Variants in GRK6 observed in about 807,000 individuals in gnomAD.
The protein encoded by GRK6 is G protein-coupled receptor kinase 6.
Under a neutral mutation model 80.8 loss-of-function variants are expected in GRK6, and 37 were observed. That is an observed-to-expected ratio of 0.46 (90% confidence interval 0.35 to 0.60). The LOEUF (loss-of-function observed/expected upper bound fraction) is 0.60. Ranked by LOEUF, GRK6 falls within the 20% of genes least tolerant of loss-of-function variation. GRK6 has a pLI of 0.00. For synonymous variants in GRK6, 295 were observed against 320.9 expected (o/e 0.92, Z 0.86); for missense variants, 560 against 784.6 (o/e 0.71, Z 3.42).
At chr5:177,434,665 G>T (rs1958370693) in intron 9 of GRK6, among the ~76,000 whole-genome samples, 1 of 152,234 alleles carries the variant, frequency 6.6e-6, no homozygotes. Context: ...CTCCGGGGTG[G>T]AGCTGTCTTC....
chr5:177,431,743 T>C, intron 2 of GRK6: 1 of 558,986 alleles, frequency 1.8e-6, no homozygotes, highest in Non-Finnish European at 3.2e-6. Flanking sequence ...GGGAGGTGGA[T>C]GGAGGCCTGG....
chr5:177,430,174 G>T (rs1405152844), intron 1 of GRK6, among the ~76,000 whole-genome samples: 2 of 152,168 alleles, frequency 1.3e-5, no homozygotes, highest in Non-Finnish European at 2.9e-5. Context: ...TCCTGCAGCT[G>T]GCCCTGTCAG....
In GRK6 at chr5:177,426,900, G is replaced by T. The variant is rs1292141054; in HGVS notation, c.52+3G>T. The stretch of plus-strand genomic sequence containing the variant: ...GGTGCTACTCAAGGCCCGGGAAGGT[G>T]AGGCGGCCGGGTGGGCGGCCGGGCC... On this transcript the variant is annotated splice_donor_region_variant and intron_variant, in intron 1 of 15. Coordinates refer to ENST00000355472, the MANE Select transcript of GRK6 (RefSeq NM_001004106.3). 7.2e-7 allele frequency: 1 copy of T among 1,392,320 alleles called. No individual in the cohort carries two copies. The highest frequency in any genetic ancestry group is 9.4e-7 in the Non-Finnish European group (1 of 1,066,594). 86.2% of individuals were successfully genotyped at this position (1,392,320 alleles called of 1,614,324 possible). A position where few individuals can be genotyped will look rare whatever the true frequency, so the allele number is the denominator to read the frequency against.
Position 177,442,244 on chromosome 5 carries a change from G to T in GRK6, c.*454G>T. 1 of 184,514 alleles carries T rather than the reference G, an allele frequency of 5.4e-6. No individual in the cohort carries two copies. The highest frequency in any genetic ancestry group is 5.7e-5 in the Admixed American group (1 of 17,670). The allele number at this position is 184,514 out of a possible 1,614,324, so 11.4% of individuals were successfully genotyped here. A position where few individuals can be genotyped will look rare whatever the true frequency, so the allele number is the denominator to read the frequency against. ...CCCCTGAGCCTTCAGCACTGTGCTG[G>T]CCACCCCGGCCTCTGAGTAAGACTC... On this transcript the variant is annotated 3_prime_UTR_variant, in exon 16 of 16. Transcript: ENST00000355472.
chr5:177,437,918 T>C (rs982898179), intron 13 of GRK6, among the ~76,000 whole-genome samples: 13 of 152,216 alleles, frequency 8.5e-5, no homozygotes, highest in African/African-American at 2.4e-4. Flanking sequence ...CACACGTTTA[T>C]TGATTCAGCA....
At chr5:177,441,314 C>T (rs1341538908) in intron 15 of GRK6, 2 of 1,546,932 alleles carry the variant, frequency 1.3e-6, no homozygotes, top group African/African-American at 2.7e-5. Context: ...GGCAGCCCTT[C>T]CATGGCAAAG....
chr5:177,431,223 G>T (rs1379894455), intron 2 of GRK6, among the ~76,000 whole-genome samples: 1 of 152,248 alleles, frequency 6.6e-6, no homozygotes, highest in Non-Finnish European at 1.5e-5. Context: ...TGGGGCAGTT[G>T]ATTCCACTTT....
At position 177,441,150 on chromosome 5, in the gene GRK6, G is replaced by A. The variant is rs934251315; in HGVS notation, c.1677+97G>A. ...GTGCCCGCATGCGCTGGGAGTGGGC[G>A]TCCTCCAGTCCTGTTGTGGTGCCCA... is the stretch of plus-strand genomic sequence containing the variant. On this transcript the variant is annotated intron_variant, in intron 15 of 15. Transcript: ENST00000355472. 67 of 1,508,182 alleles carry A rather than the reference G, an allele frequency of 4.4e-5. 1 individual carries two copies. In the Admixed American group the frequency reaches 1.0e-3, roughly 23 times the overall value. The allele number at this position is 1,508,182 out of a possible 1,614,324, so 93.4% of individuals were successfully genotyped here. A position where few individuals can be genotyped will look rare whatever the true frequency, so the allele number is the denominator to read the frequency against.
intron 13 of GRK6, chr5:177,436,810 C>A (rs1029253802): frequency 4.0e-5 from 18 of 444,786 alleles, no homozygotes; most frequent in Non-Finnish European, 6.7e-5. Flanking sequence ...ATTGGGGTAG[C>A]TCTCCCCATG....
intron 6 of GRK6, 45 bp from the exon 7 acceptor site, chr5:177,433,302 G>C (rs1176020089): frequency 2.5e-6 from 4 of 1,613,820 alleles, no homozygotes; most frequent in Non-Finnish European, 3.4e-6. Flanking sequence ...TAGGCCTTGG[G>C]CTCTCCTGCT....
Position 177,426,833 on chromosome 5 carries a change from G to A in GRK6, c.-13G>A. On this transcript the variant is annotated 5_prime_UTR_variant, in exon 1 of 16. Coordinates refer to ENST00000355472, the MANE Select transcript of GRK6 (RefSeq NM_001004106.3). ...GGCGGCGCGGCCCGGCGGGCCAGGC[G>A]GCGCCACAGCCCATGGAGCTCGAGA... 5.6e-6 allele frequency: 7 copies of A among 1,244,850 alleles called. No homozygotes were observed. Among genetic ancestry groups the A allele is most frequent in the Non-Finnish European group, 7.1e-6 (7 of 991,882 alleles). The allele number at this position is 1,244,850 out of a possible 1,614,324, so 77.1% of individuals were successfully genotyped here. A position where few individuals can be genotyped will look rare whatever the true frequency, so the allele number is the denominator to read the frequency against.
At chr5:177,425,762 C>T (rs941571436), upstream of GRK6, among the ~76,000 whole-genome samples, 3 of 152,246 alleles carry the variant, frequency 2.0e-5, no homozygotes, top group East Asian at 1.9e-4. Flanking sequence ...TTTGGGCAAG[C>T]CTGTTTCCTG....
intron 13 of GRK6, among the ~76,000 whole-genome samples, chr5:177,437,322 C>G (rs1764207891): frequency 6.6e-6 from 1 of 152,206 alleles, no homozygotes; most frequent in African/African-American, 2.4e-5. Context: ...CCCATTGCCT[C>G]TCATTGCTCA....
At position 177,440,777 on chromosome 5, in the gene GRK6, C is replaced by T. The variant is rs777724872; in HGVS notation, c.1482C>T (p.Thr494=). The change falls in exon 14 of 16, where the codon ACC becomes ACT. Residue 494 remains threonine (T), a synonymous_variant. Coordinates refer to ENST00000355472, the MANE Select transcript of GRK6 (RefSeq NM_001004106.3). ...STVKGVELEP[T]DQDFYQKFAT... ...TCAAGGGCGTGGAGCTGGAGCCTAC[C>T]GACCAGGACTTCTACCAGAAGTTTG... The T allele has an allele frequency of 4.6e-5, 74 of 1,614,082 alleles. No homozygotes were observed. The highest frequency in any genetic ancestry group is 5.4e-5 in the Non-Finnish European group (64 of 1,180,036).
intron 13 of GRK6, among the ~76,000 whole-genome samples, chr5:177,440,231 G>A (rs974114500): frequency 1.3e-5 from 2 of 152,186 alleles, no homozygotes; most frequent in Non-Finnish European, 2.9e-5. Flanking sequence ...GTGTGGGTCT[G>A]GGGAGGTGGA....
At chr5:177,433,712 C>T (rs778782151) in intron 8 of GRK6, 36 bp downstream of exon 8, 9 of 1,607,648 alleles carry the variant, frequency 5.6e-6, no homozygotes, top group Admixed American at 5.0e-5. Context: ...TCCCCTTGGC[C>T]ACACTGGCGC....
Position 177,440,811 on chromosome 5 carries a change from A to G in GRK6, c.1516A>G (p.Ser506Gly). Residue 506 changes from serine to glycine, a missense_variant, in exon 14 of 16, where the codon AGT becomes GGT. Transcript: ENST00000355472. ...QDFYQKFATG[S>G]VPIPWQNEMV... The stretch of plus-strand genomic sequence containing the variant: ...CTTCTACCAGAAGTTTGCCACAGGC[A>G]GTGTGCCCATCCCCTGGCAGAACGA... The G allele has an allele frequency of 6.2e-7, 1 of 1,614,136 alleles. No individual in the cohort carries two copies. The highest frequency in any genetic ancestry group is 8.5e-7 in the Non-Finnish European group (1 of 1,180,034).
At chr5:177,431,783 C>T (rs1763901357) in intron 2 of GRK6, 1 of 593,848 alleles carries the variant, frequency 1.7e-6, no homozygotes, top group Admixed American at 3.0e-5. Flanking sequence ...GGCTGTGTGA[C>T]ACTGAGCTAG....
chr5:177,436,780 G>A lies in GRK6; in HGVS notation c.1404+250G>A, dbSNP rs905595517. On this transcript the variant is annotated intron_variant, in intron 13 of 15. Transcript: ENST00000355472. Reference sequence around the variant, plus strand: ...TCTCTCTCCTTCCCCTCACTGTACCGTTGAGTGTGTAGTCTTCATATTGGG... The same window carrying A: ...TCTCTCTCCTTCCCCTCACTGTACCATTGAGTGTGTAGTCTTCATATTGGG... The A allele has an allele frequency of 1.3e-5, 7 of 530,314 alleles. No homozygotes were observed. In the Admixed American group the frequency reaches 1.5e-4, roughly 11 times the overall value. The allele number at this position is 530,314 out of a possible 1,614,324, so 32.9% of individuals were successfully genotyped here.
Sources: allele counts gnomAD v4.1 joint callset (sites outside exome capture counted in the v4.1 genomes callset), GRCh38; gene constraint gnomAD v4.1.1; transcripts MANE v1.5; gene names NCBI Gene and HGNC (gene_info 2026-07-23, HGNC 2026-07-21).